The following ATP8B4 variants were observed in gnomAD, a reference collection of about 807,000 sequenced individuals.
ATP8B4 encodes probable phospholipid-transporting ATPase IM.
Under a neutral mutation model 145.6 loss-of-function variants are expected in ATP8B4, and 133 were observed. The observed-to-expected ratio is 0.91, with a 90% CI of 0.79 to 1.05. ATP8B4 has a LOEUF of 1.05. Ranked by LOEUF, ATP8B4 falls within the 50% of genes least tolerant of loss-of-function variation. The probability of loss-of-function intolerance (pLI) is 0.00; values close to 1 mark genes in which losing one functional copy is unlikely to be tolerated. For synonymous variants in ATP8B4, 507 were observed against 492.9 expected (o/e 1.03, Z -0.38); for missense variants, 1,458 against 1,425.2 (o/e 1.02, Z -0.37).
intron 1 of ATP8B4, among the ~76,000 whole-genome samples, chr15:50,160,066 A>G (rs1220012067): frequency 1.5e-5 from 1 of 65,702 alleles, no homozygotes; most frequent in Non-Finnish European, 3.0e-5. Flanking sequence ...TATGTCTTCA[A>G]TCTCATTGCT....
At chr15:49,950,465 C>A (rs1033629585) in intron 14 of ATP8B4, among the ~76,000 whole-genome samples, 1 of 151,748 alleles carries the variant, frequency 6.6e-6, no homozygotes, top group African/African-American at 2.4e-5. Flanking sequence ...TTATAGTATT[C>A]TCTGATGGTA....
chr15:50,073,093 A>ATG (rs893316121), intron 3 of ATP8B4, among the ~76,000 whole-genome samples: 1 of 145,438 alleles, frequency 6.9e-6, no homozygotes, highest in African/African-American at 2.6e-5. Context: ...GTGTATATAT[A>ATG]TGTGTGTGTG....
chr15:50,101,196 G>T (rs1273202052), intron 2 of ATP8B4, among the ~76,000 whole-genome samples: 1 of 152,084 alleles, frequency 6.6e-6, no homozygotes, highest in Non-Finnish European at 1.5e-5. Context: ...GTGAAAAATG[G>T]GATATATGCC....
chr15:50,174,534 C>T (rs2044734540), intron 1 of ATP8B4, among the ~76,000 whole-genome samples: 3 of 150,498 alleles, frequency 2.0e-5, no homozygotes, highest in Admixed American at 2.0e-4. Flanking sequence ...AGCACTCGAT[C>T]CCTTTTACAA....
intron 23 of ATP8B4, among the ~76,000 whole-genome samples, chr15:49,884,769 G>A (rs539544800): frequency 2.3e-3 from 346 of 152,160 alleles, no homozygotes; most frequent in South Asian, 4.0e-3. Context: ...TATGAACCAG[G>A]CCTCACAGCA....
chr15:50,086,510 TAATA>T lies in ATP8B4; in HGVS notation c.29-12329_29-12326del, dbSNP rs1451316895. On this transcript the variant is annotated intron_variant, in intron 2 of 27. Transcript: ENST00000284509. ...ATAGAGATCTATATTTAATTATATA[TAATA>T]AATATAGAGATCTATATTTATTATA... 5.2e-4 allele frequency among the ~76,000 whole-genome samples: 35 copies of T among 67,298 alleles called. 6 individuals are homozygous for T. The highest frequency in any genetic ancestry group is 7.0e-4 in the Non-Finnish European group (29 of 41,570). The allele number at this position is 67,298 out of a possible 152,430, so 44.2% of individuals were successfully genotyped here.
intron 20 of ATP8B4, among the ~76,000 whole-genome samples, chr15:49,909,699 C>T (rs1208881318): frequency 2.4e-5 from 3 of 123,346 alleles, no homozygotes; most frequent in Non-Finnish European, 4.7e-5. Flanking sequence ...GAGGAAGTCA[C>T]AGACACCATT....
At chr15:50,153,505 A>AT (rs1327166549) in intron 1 of ATP8B4, among the ~76,000 whole-genome samples, 2 of 152,010 alleles carry the variant, frequency 1.3e-5, no homozygotes, top group African/African-American at 4.8e-5. Context: ...TGCCCAGCTA[A>AT]TTTTTGTATT....
chr15:50,047,440 A>G lies in ATP8B4; in HGVS notation c.112T>C (p.Tyr38His). 6.3e-7 allele frequency: 1 copy of G among 1,586,790 alleles called. No individual in the cohort carries two copies. Among genetic ancestry groups the G allele is most frequent in the Non-Finnish European group, 8.7e-7 (1 of 1,155,304 alleles). Residue 38 changes from tyrosine to histidine, a missense_variant, in exon 4 of 28, where the codon TAT (tyrosine) becomes CAT (histidine). Coordinates refer to ENST00000284509, the MANE Select transcript of ATP8B4 (RefSeq NM_024837.4). ...ATTGGCAAGAAGGTGAGAATATTATATTTCGATGTGTGGATACGATTATCC... is the reference window on the plus strand; with the variant it reads ...ATTGGCAAGAAGGTGAGAATATTATGTTTCGATGTGTGGATACGATTATCC... ...YADNRIHTSK[Y>H]NILTFLPINL...
intron 6 of ATP8B4, among the ~76,000 whole-genome samples, chr15:50,027,340 C>G (rs2050080444): frequency 6.9e-6 from 1 of 144,420 alleles, no homozygotes; most frequent in Non-Finnish European, 1.5e-5. Context: ...AGCACAGTGG[C>G]TGGTACTCAG....
chr15:49,991,304 C>T (rs527257674), intron 9 of ATP8B4, among the ~76,000 whole-genome samples: 4 of 152,278 alleles, frequency 2.6e-5, no homozygotes, highest in East Asian at 1.9e-4. Flanking sequence ...AACCTTTCCT[C>T]GGTTCAGAAT....
intron 1 of ATP8B4, among the ~76,000 whole-genome samples, chr15:50,109,449 G>A (rs554686051): frequency 6.6e-6 from 1 of 152,104 alleles, no homozygotes; most frequent in Non-Finnish European, 1.5e-5. Flanking sequence ...TTGGGCAGGT[G>A]AATGAATTCT....
chr15:50,060,604 T>C (rs943079210), intron 3 of ATP8B4, among the ~76,000 whole-genome samples: 1 of 152,166 alleles, frequency 6.6e-6, no homozygotes, highest in Non-Finnish European at 1.5e-5. Flanking sequence ...GTGCTTAGCA[T>C]TGTGCTTGAC....
chr15:50,137,710 G>A (rs985952371), intron 1 of ATP8B4, among the ~76,000 whole-genome samples: 6 of 152,126 alleles, frequency 3.9e-5, no homozygotes, highest in African/African-American at 4.8e-5. Flanking sequence ...TCATGCTCAC[G>A]ATGCTTCTTC....
At chr15:50,175,509 C>T (rs921650803) in intron 1 of ATP8B4, among the ~76,000 whole-genome samples, 2 of 152,010 alleles carry the variant, frequency 1.3e-5, no homozygotes, top group Non-Finnish European at 2.9e-5. Context: ...AAGAAAACAA[C>T]AAACAATCCT....
At chr15:50,070,059 G>C (rs28578432) in intron 3 of ATP8B4, among the ~76,000 whole-genome samples, 111 of 152,314 alleles carry the variant, frequency 7.3e-4, no homozygotes, top group African/African-American at 2.6e-3. Context: ...TCGTGGACTA[G>C]TTATAAGATT....
chr15:49,992,576 T>C (rs1162255594), intron 9 of ATP8B4, among the ~76,000 whole-genome samples: 2 of 152,162 alleles, frequency 1.3e-5, no homozygotes, highest in Non-Finnish European at 2.9e-5. Context: ...GTTCTGACCC[T>C]ATGTGTCCGA....
intron 3 of ATP8B4, among the ~76,000 whole-genome samples, chr15:50,068,685 G>A (rs902514296): frequency 2.0e-5 from 3 of 152,122 alleles, no homozygotes; most frequent in African/African-American, 4.8e-5. Flanking sequence ...GTTTGAGGCA[G>A]GGTAAGTTTC....
chr15:49,897,254 A>C (rs536114270), intron 23 of ATP8B4, 38 bp downstream of exon 23: 31 of 1,535,434 alleles, frequency 2.0e-5, no homozygotes, highest in Non-Finnish European at 2.4e-5. Flanking sequence ...ACAAAAACAA[A>C]CAAACAAACA....
Sources: allele counts gnomAD v4.1 joint callset (sites outside exome capture counted in the v4.1 genomes callset), GRCh38; gene constraint gnomAD v4.1.1; transcripts MANE v1.5; gene names NCBI Gene and HGNC (gene_info 2026-07-23, HGNC 2026-07-21).